ACBD6: variants seen among roughly 807,000 people sequenced by gnomAD.
ACBD6 encodes the protein acyl-CoA-binding domain-containing protein 6.
Under a neutral mutation model 37.2 loss-of-function variants are expected in ACBD6, and 28 were observed. The observed-to-expected ratio is 0.75, with a 90% CI of 0.56 to 1.03. ACBD6 has a LOEUF of 1.03. ACBD6 is among the 50% of genes least tolerant of loss of function. The pLI is 0.00. For synonymous variants in ACBD6, 113 were observed against 126.8 expected (o/e 0.89, Z 0.73); for missense variants, 340 against 337.4 (o/e 1.01, Z -0.06).
chr1:180,271,468 C>T (rs1383693164), exon 14 of ACBD6: 10 of 1,614,198 alleles, frequency 6.2e-6, no homozygotes, highest in South Asian at 1.1e-5. Context: ...AGAACTCCCC[C>T]AAGCCTGCCC....
At chr1:180,273,495 A>G (rs574843111) in intron 11 of ACBD6, 1 of 152,648 alleles carries the variant, frequency 6.6e-6, no homozygotes, top group African/African-American at 2.4e-5. Flanking sequence ...TTTCTCAAAG[A>G]CTAAAACTGC....
chr1:180,430,166 A>C lies in ACBD6; in HGVS notation c.467+14T>G, dbSNP rs1648756253. ...ATATATATTTCTATTATCAAAGATC[A>C]GAAGAGAAATTACCTGATGGTTTCT... On this transcript the variant is annotated intron_variant, in intron 4 of 7. Transcript: ENST00000367595. 1 of 1,605,810 alleles carries C rather than the reference A, an allele frequency of 6.2e-7. No homozygotes were observed. Among genetic ancestry groups the C allele is most frequent in the African/African-American group, 1.3e-5 (1 of 74,744 alleles).
chr1:180,424,952 T>C (rs1648524171), intron 4 of ACBD6, among the ~76,000 whole-genome samples: 1 of 152,176 alleles, frequency 6.6e-6, no homozygotes. Context: ...ACAGTTACTG[T>C]TTATGTCAAG....
At chr1:180,279,528 C>T (rs1649243709) in intron 9 of ACBD6, among the ~76,000 whole-genome samples, 1 of 152,190 alleles carries the variant, frequency 6.6e-6, no homozygotes, top group South Asian at 2.1e-4. Context: ...GAACTCCTGA[C>T]CTCAAGTGAT....
intron 3 of ACBD6, among the ~76,000 whole-genome samples, chr1:180,476,600 C>A (rs559528978): frequency 3.3e-5 from 5 of 152,100 alleles, no homozygotes; most frequent in Non-Finnish European, 7.4e-5. Context: ...CCAAGGCAGG[C>A]GGATCACCTG....
rs139208677 is a variant in ACBD6 at position 180,479,421 on chromosome 1, T to C, written c.384+12848A>G. ...AAGACAAATATCACTTGTTCTCATTTATATATATGAGCTAAAAAATTTGAT... is the reference window on the plus strand; with the variant it reads ...AAGACAAATATCACTTGTTCTCATTCATATATATGAGCTAAAAAATTTGAT... On this transcript the variant is annotated intron_variant, in intron 3 of 7. Coordinates refer to ENST00000367595, the MANE Select transcript of ACBD6 (RefSeq NM_032360.4). Among the ~76,000 whole-genome samples, 472 of 152,282 alleles carry C rather than the reference T, an allele frequency of 3.1e-3. 2 individuals carry two copies. The highest frequency in any genetic ancestry group is 8.4e-3 in the Admixed American group (129 of 15,300).
chr1:180,455,783 A>T (rs1649892546), intron 3 of ACBD6, among the ~76,000 whole-genome samples: 1 of 152,182 alleles, frequency 6.6e-6, no homozygotes, highest in South Asian at 2.1e-4. Context: ...TACACTTTTT[A>T]AAAAATACCA....
At chr1:180,302,466 T>C (rs1260782653) in intron 7 of ACBD6, among the ~76,000 whole-genome samples, 1 of 152,188 alleles carries the variant, frequency 6.6e-6, no homozygotes, top group Non-Finnish European at 1.5e-5. Flanking sequence ...TTTACCATTA[T>C]GTAATGGCCT....
chr1:180,455,816 G>C (rs1395415011), intron 3 of ACBD6, among the ~76,000 whole-genome samples: 1 of 151,908 alleles, frequency 6.6e-6, no homozygotes, highest in African/African-American at 2.4e-5. Flanking sequence ...TACATTTTTT[G>C]AACTGTGGCC....
intron 6 of ACBD6, among the ~76,000 whole-genome samples, chr1:180,322,057 G>T (rs1651095582): frequency 6.6e-6 from 1 of 151,980 alleles, no homozygotes; most frequent in Non-Finnish European, 1.5e-5. Flanking sequence ...GCTTGTTAAG[G>T]ATTTTTTCAT....
At chr1:180,313,212 A>C (rs986592285) in intron 7 of ACBD6, among the ~76,000 whole-genome samples, 3 of 152,168 alleles carry the variant, frequency 2.0e-5, no homozygotes, top group African/African-American at 4.8e-5. Flanking sequence ...ATCTATGCTC[A>C]TAAGTAAGAC....
rs759238164 is a variant in ACBD6 at position 180,288,325 on chromosome 1, C to T, written c.*38G>A. On this transcript the variant is annotated 3_prime_UTR_variant, in exon 8 of 8. Transcript: ENST00000367595. Reference sequence around the variant, plus strand: ...TGTAGTTTTCTTTCATAATGGAAGCCTTATGCTATTACAGACTGCAGTTTT... The same window carrying T: ...TGTAGTTTTCTTTCATAATGGAAGCTTTATGCTATTACAGACTGCAGTTTT... 1.2e-6 allele frequency: 2 copies of T among 1,612,960 alleles called. No homozygotes were observed. The highest frequency in any genetic ancestry group is 1.7e-6 in the Non-Finnish European group (2 of 1,179,696).
chr1:180,499,377 C>G lies in ACBD6; in HGVS notation c.222+2668G>C, dbSNP rs148800764. Among the ~76,000 whole-genome samples, 125 of 152,226 alleles carry G rather than the reference C, an allele frequency of 8.2e-4. 1 individual carries two copies. The highest frequency in any genetic ancestry group is 3.0e-3 in the African/African-American group (123 of 41,536). ...GTAAGCATATTATTCTCTAACAATG[C>G]AGAATTTTATTTTCAGATACAGAAT... On this transcript the variant is annotated intron_variant, in intron 1 of 7. Coordinates refer to ENST00000367595, the MANE Select transcript of ACBD6 (RefSeq NM_032360.4).
chr1:180,356,021 C>G (rs1175203328), intron 6 of ACBD6, among the ~76,000 whole-genome samples: 2 of 133,386 alleles, frequency 1.5e-5, no homozygotes, highest in Admixed American at 1.5e-4. Flanking sequence ...GCACACGCCA[C>G]CACGCCCGGC....
exon 14 of ACBD6, chr1:180,271,269 C>A: frequency 8.0e-7 from 1 of 1,248,192 alleles, no homozygotes; most frequent in South Asian, 1.2e-5. Flanking sequence ...TCGCGCTGTC[C>A]TGCCTACAGC....
intron 7 of ACBD6, among the ~76,000 whole-genome samples, chr1:180,290,472 C>T (rs1164913950): frequency 2.0e-5 from 3 of 152,200 alleles, no homozygotes; most frequent in Non-Finnish European, 4.4e-5. Flanking sequence ...CCACTGCACC[C>T]GGCCCTATAG....
intron 3 of ACBD6, among the ~76,000 whole-genome samples, chr1:180,473,904 C>T (rs1319694057): frequency 6.6e-6 from 1 of 152,108 alleles, no homozygotes; most frequent in Non-Finnish European, 1.5e-5. Context: ...TAAAATATTT[C>T]TTATAACCTT....
chr1:180,495,893 AAGGTTTAG>A (rs1651719026), intron 1 of ACBD6, among the ~76,000 whole-genome samples: 1 of 152,186 alleles, frequency 6.6e-6, no homozygotes, highest in Non-Finnish European at 1.5e-5. Flanking sequence ...TGAAATTAAT[AAGGTTTAG>A]AATTCATAAT....
Position 180,401,480 on chromosome 1 carries a change from T to TAAA in ACBD6, c.574-3878_574-3876dup, listed in dbSNP as rs553076355. Among the ~76,000 whole-genome samples the TAAA allele has an allele frequency of 6.6e-3, 1,000 of 151,270 alleles. 17 individuals carry two copies. The highest frequency in any genetic ancestry group is 0.023 in the African/African-American group (954 of 41,282). On this transcript the variant is annotated intron_variant, in intron 5 of 7. Coordinates refer to ENST00000367595, the MANE Select transcript of ACBD6 (RefSeq NM_032360.4). ...ACTTTTCTCCTCAATATCACAAAAT[T>TAAA]AAAAAAAAGAGAAGAGATTCTGGCC...
Sources: allele counts gnomAD v4.1 joint callset (sites outside exome capture counted in the v4.1 genomes callset), GRCh38; gene constraint gnomAD v4.1.1; transcripts MANE v1.5; gene names NCBI Gene and HGNC (gene_info 2026-07-23, HGNC 2026-07-21).